The following EPHA6 variants were observed in gnomAD, a reference collection of about 807,000 sequenced individuals.
EPHA6 encodes EPH receptor A6.
In EPHA6, 50 loss-of-function variants were observed where a neutral mutation model predicts 112.0. The ratio of observed to expected loss-of-function variants is 0.45; its 90% confidence interval spans 0.36 to 0.56. The LOEUF (loss-of-function observed/expected upper bound fraction) is 0.56. Ranked by LOEUF, EPHA6 falls within the 20% of genes least tolerant of loss-of-function variation. EPHA6 has a pLI of 0.00. For synonymous variants in EPHA6, 529 were observed against 490.7 expected (o/e 1.08, Z -1.03); for missense variants, 1,280 against 1,417.4 (o/e 0.90, Z 1.56).
chr3:97,040,524 A>T (rs1269196605), intron 3 of EPHA6, among the ~76,000 whole-genome samples: 1 of 151,946 alleles, frequency 6.6e-6, no homozygotes, highest in Non-Finnish European at 1.5e-5. Flanking sequence ...AAGGATAGAA[A>T]AGCTTATTAT....
At chr3:97,101,528 T>C (rs72920278) in intron 3 of EPHA6, among the ~76,000 whole-genome samples, 31,970 of 151,900 alleles carry the variant, frequency 0.21, 4,775 homozygotes, top group African/African-American at 0.4. Flanking sequence ...GTGTCTCCTC[T>C]AAATGCCCAT....
chr3:97,336,512 C>G (rs2083062760), intron 5 of EPHA6, among the ~76,000 whole-genome samples: 1 of 152,116 alleles, frequency 6.6e-6, no homozygotes, highest in African/African-American at 2.4e-5. Context: ...AAATGTGTCT[C>G]AGATTTTATC....
chr3:97,226,727 A>T (rs2078368283), intron 4 of EPHA6, among the ~76,000 whole-genome samples: 1 of 152,348 alleles, frequency 6.6e-6, no homozygotes, highest in South Asian at 2.1e-4. Context: ...TGAAGGCTGC[A>T]TGAGAAGTTA....
intron 3 of EPHA6, among the ~76,000 whole-genome samples, chr3:96,994,022 C>A (rs2107871988): frequency 6.6e-6 from 1 of 152,112 alleles, no homozygotes; most frequent in East Asian, 1.9e-4. Context: ...GATATTTTAT[C>A]CAAAAAGTCG....
intron 2 of EPHA6, among the ~76,000 whole-genome samples, chr3:96,933,839 G>C (rs923059045): frequency 2.6e-5 from 4 of 151,978 alleles, no homozygotes; most frequent in African/African-American, 9.7e-5. Flanking sequence ...TATTTAATAT[G>C]TTTTGGGTAA....
intron 3 of EPHA6, among the ~76,000 whole-genome samples, chr3:97,151,410 G>A (rs1372069448): frequency 6.6e-6 from 1 of 152,072 alleles, no homozygotes; most frequent in Non-Finnish European, 1.5e-5. Flanking sequence ...GTTTTACAGT[G>A]CCTTATACAT....
intron 3 of EPHA6, among the ~76,000 whole-genome samples, chr3:97,018,829 C>T (rs11919285): frequency 6.6e-6 from 1 of 152,128 alleles, no homozygotes; most frequent in Admixed American, 6.5e-5. Context: ...CTCCCTTTCC[C>T]GGTCTGCTAA....
intron 14 of EPHA6, among the ~76,000 whole-genome samples, chr3:97,654,153 G>T (rs1171399611): frequency 6.6e-6 from 1 of 151,852 alleles, no homozygotes; most frequent in Non-Finnish European, 1.5e-5. Context: ...AAAAAGAAAG[G>T]TAAATATGTG....
At chr3:97,183,370 A>G (rs2077042161) in intron 3 of EPHA6, among the ~76,000 whole-genome samples, 1 of 152,192 alleles carries the variant, frequency 6.6e-6, no homozygotes, top group Non-Finnish European at 1.5e-5. Flanking sequence ...GTACAACTAT[A>G]AATTCCACAA....
intron 2 of EPHA6, among the ~76,000 whole-genome samples, chr3:96,890,112 C>A (rs1393131241): frequency 2.7e-5 from 4 of 147,946 alleles, no homozygotes; most frequent in Admixed American, 6.7e-5. Flanking sequence ...TTAAACCGAA[C>A]CCCCAAAATA....
chr3:97,086,291 A>G (rs1334851035), intron 3 of EPHA6, among the ~76,000 whole-genome samples: 2 of 152,068 alleles, frequency 1.3e-5, no homozygotes, highest in Non-Finnish European at 2.9e-5. Context: ...GCTGAAATTT[A>G]AAACTTTTGA....
chr3:97,014,921 T>C (rs2044214003), intron 3 of EPHA6, among the ~76,000 whole-genome samples: 1 of 152,178 alleles, frequency 6.6e-6, no homozygotes. Context: ...TCCCAGAAGA[T>C]TAGCATATCA....
At chr3:96,901,094 A>C (rs2107572390) in intron 2 of EPHA6, among the ~76,000 whole-genome samples, 1 of 152,282 alleles carries the variant, frequency 6.6e-6, no homozygotes, top group East Asian at 1.9e-4. Flanking sequence ...CTATTGTATA[A>C]ATTATGACAT....
chr3:97,320,575 G>T (rs995812064), intron 5 of EPHA6, among the ~76,000 whole-genome samples: 1 of 151,668 alleles, frequency 6.6e-6, no homozygotes, highest in Non-Finnish European at 1.5e-5. Flanking sequence ...GAAATAAAAG[G>T]TCTCCTCATC....
At chr3:97,061,660 G>T (rs1408321445) in intron 3 of EPHA6, among the ~76,000 whole-genome samples, 1 of 152,128 alleles carries the variant, frequency 6.6e-6, no homozygotes, top group Non-Finnish European at 1.5e-5. Context: ...ACTGTGCTTT[G>T]GATGTCCTAT....
chr3:96,867,336 G>T (rs989502097), intron 2 of EPHA6, among the ~76,000 whole-genome samples: 2 of 151,598 alleles, frequency 1.3e-5, no homozygotes, highest in African/African-American at 2.4e-5. Context: ...ATGCATTTTT[G>T]AACTTGGTGA....
intron 5 of EPHA6, among the ~76,000 whole-genome samples, chr3:97,336,042 T>C (rs958570330): frequency 9.9e-5 from 15 of 152,240 alleles, no homozygotes; most frequent in Admixed American, 2.6e-4. Context: ...GTATCTTAAG[T>C]TTTACAATAA....
At chr3:97,644,845 A>T (rs1027582435) in intron 14 of EPHA6, among the ~76,000 whole-genome samples, 1 of 152,104 alleles carries the variant, frequency 6.6e-6, no homozygotes, top group African/African-American at 2.4e-5. Context: ...TCACAGCCGA[A>T]TTCTACCAGA....
chr3:97,104,422 G>T (rs980710653), intron 3 of EPHA6, among the ~76,000 whole-genome samples: 2 of 151,958 alleles, frequency 1.3e-5, no homozygotes, highest in Non-Finnish European at 2.9e-5. Flanking sequence ...TTTTTCTTTA[G>T]TTCTGTTTAT....
Sources: gnomAD v4.1 joint callset for allele counts (sites outside exome capture counted in the v4.1 genomes callset) on GRCh38, gnomAD v4.1.1 for gene constraint, MANE v1.5 for transcripts, NCBI Gene and HGNC (gene_info 2026-07-23, HGNC 2026-07-21) for gene names.